MYO1D: variants seen among roughly 807,000 people sequenced by gnomAD.
MYO1D encodes myosin ID, also known as unconventional myosin-Id.
MYO1D carries 83 observed loss-of-function variants against 122.0 expected under a neutral mutation model. That is an observed-to-expected ratio of 0.68 (90% CI 0.57 to 0.82). The LOEUF is 0.82. MYO1D is among the 40% of genes least tolerant of loss of function. MYO1D has a pLI of 0.00. For synonymous variants in MYO1D, 464 were observed against 446.9 expected (o/e 1.04, Z -0.48); for missense variants, 1,157 against 1,269.5 (o/e 0.91, Z 1.35).
intron 21 of MYO1D, among the ~76,000 whole-genome samples, chr17:32,554,034 AC>A (rs2087046213): frequency 6.6e-6 from 1 of 152,134 alleles, no homozygotes; most frequent in African/African-American, 2.4e-5. Flanking sequence ...GGCTAATGGA[AC>A]CGTGATCTAC....
At chr17:32,851,615 T>C (rs1360828373) in intron 1 of MYO1D, among the ~76,000 whole-genome samples, 1 of 152,148 alleles carries the variant, frequency 6.6e-6, no homozygotes, top group Non-Finnish European at 1.5e-5. Context: ...ACAGCAGTGG[T>C]CCCCAACCTT....
At chr17:32,812,220 T>G (rs2090578244) in intron 1 of MYO1D, among the ~76,000 whole-genome samples, 1 of 152,182 alleles carries the variant, frequency 6.6e-6, no homozygotes, top group South Asian at 2.1e-4. Flanking sequence ...GTGCAGAAAT[T>G]CAAGAATTGG....
At chr17:32,630,407 A>G (rs1361485963) in intron 20 of MYO1D, among the ~76,000 whole-genome samples, 1 of 152,196 alleles carries the variant, frequency 6.6e-6, no homozygotes, top group Non-Finnish European at 1.5e-5. Context: ...TAAATTACTA[A>G]AAATAACTAT....
intron 3 of MYO1D, 57 bp from the exon 4 acceptor site, chr17:32,776,086 A>T (rs1222828729): frequency 2.0e-6 from 3 of 1,509,062 alleles, no homozygotes; most frequent in Non-Finnish European, 2.7e-6. Flanking sequence ...AGAATTTTTT[A>T]AAAACTGGAT....
At chr17:32,607,580 A>G (rs2087644257) in intron 20 of MYO1D, among the ~76,000 whole-genome samples, 2 of 152,138 alleles carry the variant, frequency 1.3e-5, no homozygotes, top group Admixed American at 6.5e-5. Context: ...TAAGATACCA[A>G]TTTTTCCCAT....
chr17:32,643,544 T>C (rs1037785139), intron 19 of MYO1D, among the ~76,000 whole-genome samples: 1 of 152,194 alleles, frequency 6.6e-6, no homozygotes, highest in Non-Finnish European at 1.5e-5. Context: ...CTGTGAATCC[T>C]GTCTGGTCTT....
chr17:32,756,527 T>C (rs1179144419), intron 10 of MYO1D, among the ~76,000 whole-genome samples: 2 of 151,884 alleles, frequency 1.3e-5, no homozygotes, highest in African/African-American at 4.8e-5. Flanking sequence ...TCATTGTGTT[T>C]GTTAACAACC....
intron 21 of MYO1D, among the ~76,000 whole-genome samples, chr17:32,568,186 CAA>C (rs386385913): frequency 4.8e-5 from 6 of 124,316 alleles, no homozygotes; most frequent in Admixed American, 8.4e-5. Flanking sequence ...TGCGTTATTA[CAA>C]AAAAAAAAAA....
intron 20 of MYO1D, among the ~76,000 whole-genome samples, chr17:32,637,732 G>A (rs2088124811): frequency 6.6e-6 from 1 of 151,942 alleles, no homozygotes; most frequent in Non-Finnish European, 1.5e-5. Flanking sequence ...GCAATCTATT[G>A]GCCTTTCTAT....
At chr17:32,854,408 T>G (rs545452265) in intron 1 of MYO1D, among the ~76,000 whole-genome samples, 14 of 152,348 alleles carry the variant, frequency 9.2e-5, no homozygotes, top group African/African-American at 3.4e-4. Context: ...AAAAGCAAAG[T>G]TCCACCTGAA....
rs180869261 is a variant in MYO1D, at chr17:32,822,975, G to C, written c.96-42191C>G. Among the ~76,000 whole-genome samples the C allele has an allele frequency of 5.3e-3, 811 of 152,278 alleles. 8 individuals are homozygous for C. Among genetic ancestry groups the C allele is most frequent in the African/African-American group, 0.018 (751 of 41,562 alleles). The stretch of plus-strand genomic sequence containing the variant: ...GTGCACATGTACCCTAAAACTTAAA[G>C]TATAATAAAAATAAATAAATAAAAT... On this transcript the variant is annotated intron_variant, in intron 1 of 21. Transcript: ENST00000318217.
chr17:32,526,137 A>G (rs1208714445), intron 21 of MYO1D, among the ~76,000 whole-genome samples: 3 of 151,836 alleles, frequency 2.0e-5, no homozygotes, highest in Non-Finnish European at 4.4e-5. Context: ...AATGTACTTA[A>G]CACATTGCAT....
At chr17:32,611,614 G>C (rs146172988) in intron 20 of MYO1D, among the ~76,000 whole-genome samples, 1,689 of 152,346 alleles carry the variant, frequency 0.011, 30 homozygotes, top group African/African-American at 0.036. Context: ...CAAGACGGGA[G>C]GATCACTTGA....
chr17:32,666,011 C>T (rs1352548556), intron 16 of MYO1D, among the ~76,000 whole-genome samples: 5 of 152,168 alleles, frequency 3.3e-5, no homozygotes, highest in Non-Finnish European at 7.4e-5. Context: ...TCCACTAAGC[C>T]TGGTGTCCCT....
At chr17:32,859,339 T>C (rs1210312508) in intron 1 of MYO1D, among the ~76,000 whole-genome samples, 1 of 152,188 alleles carries the variant, frequency 6.6e-6, no homozygotes, top group Non-Finnish European at 1.5e-5. Flanking sequence ...TCCCTGTTTA[T>C]CACTTATCTC....
intron 1 of MYO1D, 26 bp from the exon 2 acceptor site, chr17:32,780,810 G>C (rs1034344266): frequency 1.2e-6 from 2 of 1,606,394 alleles, no homozygotes; most frequent in African/African-American, 2.7e-5. Flanking sequence ...AGAAAAGGAA[G>C]ACGTAGCTGT....
chr17:32,741,648 C>CGTT (rs1271221785), intron 13 of MYO1D, among the ~76,000 whole-genome samples: 1 of 152,164 alleles, frequency 6.6e-6, no homozygotes, highest in Non-Finnish European at 1.5e-5. Flanking sequence ...TGCTATTTGA[C>CGTT]TTCCCAAGCA....
intron 21 of MYO1D, among the ~76,000 whole-genome samples, chr17:32,571,387 C>T (rs1013446958): frequency 2.0e-5 from 3 of 152,206 alleles, no homozygotes; most frequent in Non-Finnish European, 4.4e-5. Flanking sequence ...CTGCTGCTGC[C>T]TTTCTTCTGC....
At chr17:32,790,676 C>T (rs2090341693) in intron 1 of MYO1D, among the ~76,000 whole-genome samples, 1 of 152,202 alleles carries the variant, frequency 6.6e-6, no homozygotes. Flanking sequence ...ACTTCTGAGA[C>T]AGACTTTTCA....
Sources: allele counts gnomAD v4.1 joint callset (sites outside exome capture counted in the v4.1 genomes callset), GRCh38; gene constraint gnomAD v4.1.1; transcripts MANE v1.5; gene names NCBI Gene and HGNC (gene_info 2026-07-23, HGNC 2026-07-21).